Variants in CHUK observed in about 807,000 individuals in gnomAD.
CHUK encodes inhibitor of nuclear factor kappa-B kinase subunit alpha.
CHUK carries 35 observed loss-of-function variants against 104.8 expected under a neutral mutation model. That is an observed-to-expected ratio of 0.33 (90% CI 0.26 to 0.44). The LOEUF (loss-of-function observed/expected upper bound fraction) is 0.44. CHUK is among the 20% of genes least tolerant of loss of function. The pLI, the probability that CHUK is intolerant of heterozygous loss-of-function variation, is 1.00. For missense variants in CHUK, 663 were observed against 902.7 expected (o/e 0.73, Z 3.40); for synonymous variants, 276 against 291.9 (o/e 0.95, Z 0.56).
chr10:100,194,285 T>C (rs754198349), intron 17 of CHUK, 140 bp downstream of exon 17: 28 of 1,053,326 alleles, frequency 2.7e-5, no homozygotes, highest in Admixed American at 1.7e-4. Flanking sequence ...TAAATGCAGA[T>C]AGCTATGGCC....
chr10:100,227,547 CT>C (rs760365883), intron 1 of CHUK, among the ~76,000 whole-genome samples: 384 of 143,070 alleles, frequency 2.7e-3, no homozygotes, highest in Non-Finnish European at 3.1e-3. Flanking sequence ...TTGGCTCCCA[CT>C]TTTTTTTTTT....
chr10:100,197,880 A>G (rs1361377368), intron 16 of CHUK, among the ~76,000 whole-genome samples: 3 of 151,872 alleles, frequency 2.0e-5, no homozygotes, highest in South Asian at 2.1e-4. Context: ...CCAAAAAACG[A>G]TATTTTCTAA....
Position 100,229,464 on chromosome 10 carries a change from G to A in CHUK, c.69C>T (p.Thr23=). ...GPWEMRERLG[T]GGFGNVCLYQ... ...ACAGACAGACGTTCCCGAAGCCGCC[G>A]GTGCCCAGCCGCTCCCGCATCTCCC... The change falls in exon 1 of 21, where the codon ACC becomes ACT. Residue 23 remains threonine (T), a synonymous_variant. Transcript: ENST00000370397. The A allele has an allele frequency of 6.2e-7, 1 of 1,600,078 alleles. No homozygotes were observed. The highest frequency in any genetic ancestry group is 2.3e-5 in the East Asian group (1 of 44,346).
Position 100,200,926 on chromosome 10 carries a change from C to G in CHUK, c.1570-146G>C, listed in dbSNP as rs1307122216. 5 of 677,224 alleles carry G rather than the reference C, an allele frequency of 7.4e-6. No homozygotes were observed. The Admixed American group carries it at 8.5e-5, about 12-fold the overall frequency. 42.0% of individuals were successfully genotyped at this position (677,224 alleles called of 1,614,324 possible). A position where few individuals can be genotyped will look rare whatever the true frequency, so the allele number is the denominator to read the frequency against. On this transcript the variant is annotated intron_variant, in intron 14 of 20. Coordinates refer to ENST00000370397, the MANE Select transcript of CHUK (RefSeq NM_001278.5). ...TACGAAACACTGATTTTGTTAAAGC[C>G]TTTCTATTCTTCAGATTCTGACACT...
chr10:100,229,047 G>GCAGT (rs1846174162), intron 1 of CHUK, among the ~76,000 whole-genome samples: 1 of 139,562 alleles, frequency 7.2e-6, no homozygotes, highest in Non-Finnish European at 1.6e-5. Context: ...ATTCCCAAAG[G>GCAGT]CAGTCCCCTT....
Position 100,189,260 on chromosome 10 carries a change from T to C in CHUK, c.*338A>G, listed in dbSNP as rs1312315553. Reference sequence around the variant, plus strand: ...AAAGTTAAAAGTTGACACTAATACATAGAAGGTATTTTTAATCAGTTAAAT... The same window carrying C: ...AAAGTTAAAAGTTGACACTAATACACAGAAGGTATTTTTAATCAGTTAAAT... On this transcript the variant is annotated 3_prime_UTR_variant, in exon 21 of 21. Transcript: ENST00000370397. 4 of 240,398 alleles carry C rather than the reference T, an allele frequency of 1.7e-5. No homozygotes were observed. The highest frequency in any genetic ancestry group is 3.3e-5 in the Non-Finnish European group (4 of 122,326). The allele number at this position is 240,398 out of a possible 1,614,324, so 14.9% of individuals were successfully genotyped here. A position where few individuals can be genotyped will look rare whatever the true frequency, so the allele number is the denominator to read the frequency against.
intron 16 of CHUK, chr10:100,195,724 A>G (rs1845310326): frequency 6.6e-6 from 1 of 152,180 alleles, no homozygotes; most frequent in African/African-American, 2.4e-5. Flanking sequence ...GAGGCCACAA[A>G]TCAAGTGTGA....
intron 10 of CHUK, among the ~76,000 whole-genome samples, chr10:100,209,342 C>G (rs574151674): frequency 6.6e-6 from 1 of 152,262 alleles, no homozygotes; most frequent in African/African-American, 2.4e-5. Context: ...AGTAAGCAGC[C>G]TGACCCTCAG....
chr10:100,194,712 AAAAT>A, intron 16 of CHUK, 191 bp from the exon 17 acceptor site: 1 of 456,880 alleles, frequency 2.2e-6, no homozygotes, highest in South Asian at 2.6e-5. Context: ...TTATATATAA[AAAAT>A]AAAGTTTGCA....
chr10:100,194,687 A>G lies in CHUK; in HGVS notation c.1730-166T>C. ...AAGATAAAAGATATAAAGATTACCT[A>G]TAAATAAAATCTAGTTATATATAAA... is the stretch of plus-strand genomic sequence containing the variant. On this transcript the variant is annotated intron_variant, in intron 16 of 20. Coordinates refer to ENST00000370397, the MANE Select transcript of CHUK (RefSeq NM_001278.5). The G allele has an allele frequency of 5.8e-6, 3 of 521,246 alleles. No individual in the cohort carries two copies. The South Asian group carries it at 7.0e-5, about 12-fold the overall frequency. 32.3% of individuals were successfully genotyped at this position (521,246 alleles called of 1,614,324 possible). A position where few individuals can be genotyped will look rare whatever the true frequency, so the allele number is the denominator to read the frequency against.
chr10:100,222,766 A>C, intron 3 of CHUK, 100 bp downstream of exon 3: 1 of 715,212 alleles, frequency 1.4e-6, no homozygotes, highest in South Asian at 1.5e-5. Flanking sequence ...AGCAGACCAT[A>C]GTTTTTCCGA....
intron 15 of CHUK, among the ~76,000 whole-genome samples, 191 bp downstream of exon 15, chr10:100,200,480 G>A (rs1845435605): frequency 6.6e-6 from 1 of 152,154 alleles, no homozygotes; most frequent in South Asian, 2.1e-4. Flanking sequence ...ACCAAAAAAG[G>A]CCAACCCAAA....
At chr10:100,223,972 A>G (rs1311050755) in intron 2 of CHUK, among the ~76,000 whole-genome samples, 1 of 152,230 alleles carries the variant, frequency 6.6e-6, no homozygotes, top group South Asian at 2.1e-4. Flanking sequence ...CCTTGAATGT[A>G]GGCTGTACTT....
At chr10:100,191,765 T>G (rs1365280270) in intron 19 of CHUK, among the ~76,000 whole-genome samples, 1 of 152,224 alleles carries the variant, frequency 6.6e-6, no homozygotes, top group Non-Finnish European at 1.5e-5. Flanking sequence ...GGTCAAACAG[T>G]TCCCAATCCT....
At chr10:100,210,783 C>T (rs923407035) in intron 9 of CHUK, among the ~76,000 whole-genome samples, 1 of 152,140 alleles carries the variant, frequency 6.6e-6, no homozygotes, top group African/African-American at 2.4e-5. Context: ...AAGTAAGAAC[C>T]GTTTTATCAC....
chr10:100,192,008 C>T (rs929953964), intron 19 of CHUK, among the ~76,000 whole-genome samples: 1 of 152,164 alleles, frequency 6.6e-6, no homozygotes, highest in Non-Finnish European at 1.5e-5. Flanking sequence ...ATCCCAGCTA[C>T]TCGGGAAGCT....
intron 5 of CHUK, among the ~76,000 whole-genome samples, chr10:100,220,308 T>G (rs1424312241): frequency 6.6e-6 from 1 of 151,520 alleles, no homozygotes; most frequent in Non-Finnish European, 1.5e-5. Context: ...AAAACAGACT[T>G]GAACAAGACA....
downstream of CHUK, chr10:100,186,936 G>C (rs976316482): frequency 3.3e-5 from 5 of 152,280 alleles, no homozygotes; most frequent in Non-Finnish European, 7.3e-5. Context: ...TTCCACTTCA[G>C]ATCATCAGGC....
At chr10:100,216,684 A>G (rs1845863055) in intron 9 of CHUK, among the ~76,000 whole-genome samples, 1 of 152,242 alleles carries the variant, frequency 6.6e-6, no homozygotes, top group African/African-American at 2.4e-5. Flanking sequence ...TTACATGATT[A>G]TAATTTCTCA....
Sources: gnomAD v4.1 joint callset for allele counts (sites outside exome capture counted in the v4.1 genomes callset) on GRCh38, gnomAD v4.1.1 for gene constraint, MANE v1.5 for transcripts, NCBI Gene and HGNC (gene_info 2026-07-23, HGNC 2026-07-21) for gene names.